DDC: variants seen among roughly 807,000 people sequenced by gnomAD.
The protein encoded by DDC is dopa decarboxylase, also known as aromatic-L-amino-acid decarboxylase.
In DDC, 43 loss-of-function variants were observed where a neutral mutation model predicts 60.0. That is an observed-to-expected ratio of 0.72 (90% CI 0.56 to 0.92). The LOEUF (loss-of-function observed/expected upper bound fraction) is 0.92, where lower values mean the gene tolerates loss of function less well. Among genes scored for constraint, DDC ranks in the 40% least tolerant of loss-of-function variants. The probability of loss-of-function intolerance (pLI) is 0.00; values close to 1 mark genes in which losing one functional copy is unlikely to be tolerated. For missense variants in DDC, 573 were observed against 620.2 expected (o/e 0.92, Z 0.81); for synonymous variants, 232 against 234.6 (o/e 0.99, Z 0.10).
intron 9 of DDC, among the ~76,000 whole-genome samples, chr7:50,493,816 TAA>T (rs11315611): frequency 0.011 from 1,718 of 149,588 alleles, 33 homozygotes; most frequent in African/African-American, 0.04. Flanking sequence ...TGGTTAGCCT[TAA>T]AAAAAAAAAC....
At position 50,528,281 on chromosome 7, in the gene DDC, C is replaced by G; in HGVS notation, c.571-1G>C. ...CAGCTCTTTCCACTGAGGAGTGTGC[C>G]TGGAAAGAAGACAGCAGAGTTGGAT... is the stretch of plus-strand genomic sequence containing the variant. On this transcript the variant is annotated splice_acceptor_variant, in intron 5 of 14. Coordinates refer to ENST00000444124, the MANE Select transcript of DDC (RefSeq NM_001082971.2). LOFTEE classifies it high-confidence loss of function. 6.2e-7 allele frequency: 1 copy of G among 1,614,020 alleles called. No individual in the cohort carries two copies. Among genetic ancestry groups the G allele is most frequent in the Non-Finnish European group, 8.5e-7 (1 of 1,179,974 alleles).
intron 14 of DDC, among the ~76,000 whole-genome samples, chr7:50,462,154 T>G (rs2242042): frequency 0.79 from 118,135 of 148,770 alleles, 46,783 homozygotes; most frequent in Admixed American, 0.86. Context: ...GCAAAAAGGA[T>G]AGGGAGAGAG....
chr7:50,515,708 A>G (rs2043707995), intron 6 of DDC, among the ~76,000 whole-genome samples: 1 of 152,218 alleles, frequency 6.6e-6, no homozygotes, highest in Admixed American at 6.5e-5. Context: ...ATAAGGACTC[A>G]CATAAACTTA....
At chr7:50,532,096 C>T (rs899725143) in intron 4 of DDC, among the ~76,000 whole-genome samples, 2 of 152,226 alleles carry the variant, frequency 1.3e-5, no homozygotes, top group Admixed American at 6.5e-5. Flanking sequence ...ACTGCGCTGA[C>T]GCCCACAGCT....
intron 13 of DDC, among the ~76,000 whole-genome samples, chr7:50,465,882 A>G (rs1251363734): frequency 6.6e-6 from 1 of 152,162 alleles, no homozygotes; most frequent in Admixed American, 6.5e-5. Flanking sequence ...TCCTCCCACA[A>G]ACATCCAGAG....
At chr7:50,520,638 G>T (rs2043863687) in intron 6 of DDC, among the ~76,000 whole-genome samples, 1 of 152,200 alleles carries the variant, frequency 6.6e-6, no homozygotes, top group South Asian at 2.1e-4. Context: ...ATGTGGCCAG[G>T]TGCAGTGGCT....
intron 1 of DDC, among the ~76,000 whole-genome samples, chr7:50,557,069 G>A (rs1217017799): frequency 6.6e-6 from 1 of 152,156 alleles, no homozygotes. Context: ...TGCTACAAAA[G>A]ACAGGCAGAA....
At chr7:50,513,506 G>T (rs189991316) in intron 6 of DDC, among the ~76,000 whole-genome samples, 1 of 152,278 alleles carries the variant, frequency 6.6e-6, no homozygotes, top group Admixed American at 6.5e-5. Context: ...TGCAAATCCG[G>T]TGTGCAGGCT....
At chr7:50,562,659 C>T (rs2045367353) in intron 1 of DDC, among the ~76,000 whole-genome samples, 1 of 152,204 alleles carries the variant, frequency 6.6e-6, no homozygotes, top group Admixed American at 6.5e-5. Context: ...TTGGGGGCTG[C>T]AGTGGGTGAC....
rs537396155 is a variant in DDC at position 50,515,245 on chromosome 7, C to T, written c.715-11186G>A. On this transcript the variant is annotated intron_variant, in intron 6 of 14. Coordinates refer to ENST00000444124, the MANE Select transcript of DDC (RefSeq NM_001082971.2). ...CCCTACAAGCCAGAAGGGATTGGGA[C>T]CCTATCTTCAGCCTCCTCAAACAAA... Among the ~76,000 whole-genome samples the T allele has an allele frequency of 2.0e-5, 3 of 152,282 alleles. No homozygotes were observed. In the South Asian group the frequency reaches 6.2e-4, roughly 32 times the overall value.
rs1323395478 is a variant in DDC at position 50,467,223 on chromosome 7, A to C, written c.1233T>G (p.Phe411Leu). 6.2e-7 allele frequency: 1 copy of C among 1,613,912 alleles called. No individual in the cohort carries two copies. The highest frequency in any genetic ancestry group is 1.7e-5 in the Admixed American group (1 of 60,034). Residue 411 changes from phenylalanine (F) to leucine (L), a missense_variant, in exon 13 of 15, where the codon TTT becomes TTG. Phe to Leu is a conservative substitution (Grantham distance 22). Coordinates refer to ENST00000444124, the MANE Select transcript of DDC (RefSeq NM_001082971.2). Reference protein sequence around the residue: ...CVEVILGLVCFRLKGSNKVNE... With the variant: ...CVEVILGLVCLRLKGSNKVNE... ...ATAGATGTAGACAAACCTTTAGCCG[A>C]AAGCAGACAAGCCCCAGAATGACTT...
Position 50,514,238 on chromosome 7 carries a change from G to A in DDC, c.715-10179C>T, listed in dbSNP as rs1017695959. Among the ~76,000 whole-genome samples the A allele has an allele frequency of 4.6e-5, 7 of 152,278 alleles. No individual in the cohort carries two copies. The East Asian group carries it at 1.3e-3, about 29-fold the overall frequency. On this transcript the variant is annotated intron_variant, in intron 6 of 14. Transcript: ENST00000444124. ...ACCCAGAAAAGAGACAACAATCACT[G>A]CAGTTCAGCTCACAGGAAGCCACAT...
intron 2 of DDC, among the ~76,000 whole-genome samples, chr7:50,541,116 G>A (rs2044615635): frequency 6.6e-6 from 1 of 152,248 alleles, no homozygotes; most frequent in Non-Finnish European, 1.5e-5. Context: ...CTCTCAGGCT[G>A]TGACCACGCA....
chr7:50,473,299 C>G (rs2042573250), intron 11 of DDC, among the ~76,000 whole-genome samples: 1 of 152,130 alleles, frequency 6.6e-6, no homozygotes, highest in Non-Finnish European at 1.5e-5. Context: ...CCTGAGGCTG[C>G]TCCCATACTC....
chr7:50,489,157 C>T (rs1357769803), intron 9 of DDC, among the ~76,000 whole-genome samples: 1 of 152,098 alleles, frequency 6.6e-6, no homozygotes, highest in Non-Finnish European at 1.5e-5. Flanking sequence ...CAGACACGTG[C>T]CACCACACCT....
intron 1 of DDC, among the ~76,000 whole-genome samples, chr7:50,544,556 C>T (rs2044740985): frequency 6.6e-6 from 1 of 152,200 alleles, no homozygotes; most frequent in African/African-American, 2.4e-5. Flanking sequence ...GGCACAGTCA[C>T]ACAATGCACA....
At chr7:50,481,573 C>A (rs1227719928) in intron 9 of DDC, among the ~76,000 whole-genome samples, 2 of 152,052 alleles carry the variant, frequency 1.3e-5, no homozygotes, top group Non-Finnish European at 2.9e-5. Context: ...TAAAGCCATA[C>A]AAAAGATGTA....
chr7:50,557,248 A>G (rs1306374359), intron 1 of DDC, among the ~76,000 whole-genome samples: 2 of 152,242 alleles, frequency 1.3e-5, no homozygotes, highest in African/African-American at 2.4e-5. Flanking sequence ...CTGTCAAAGT[A>G]GATTCTTGGC....
intron 14 of DDC, among the ~76,000 whole-genome samples, chr7:50,459,848 G>C (rs78888611): frequency 0.8 from 111,494 of 139,118 alleles, 44,812 homozygotes; most frequent in Admixed American, 0.86. Flanking sequence ...ATCAGCCCCC[G>C]GCCCGGCCAG....
Sources: gnomAD v4.1 joint callset for allele counts (sites outside exome capture counted in the v4.1 genomes callset) on GRCh38, gnomAD v4.1.1 for gene constraint, MANE v1.5 for transcripts, NCBI Gene and HGNC (gene_info 2026-07-23, HGNC 2026-07-21) for gene names.